Variants in FMO1 observed in about 807,000 individuals in gnomAD.
FMO1 encodes flavin-containing monooxygenase 1.
A neutral mutation model predicts 45.4 loss-of-function variants in FMO1; 36 were observed. The ratio of observed to expected loss-of-function variants is 0.79; its 90% CI spans 0.61 to 1.05. The LOEUF is 1.05. Among genes scored for constraint, FMO1 ranks in the 50% least tolerant of loss-of-function variants. The probability of loss-of-function intolerance (pLI) is 0.00; values close to 1 mark genes in which losing one functional copy is unlikely to be tolerated. For missense variants in FMO1, 615 were observed against 640.3 expected, an observed-to-expected ratio of 0.96 and a Z score of 0.43; for synonymous variants, 228 against 227.2, an observed-to-expected ratio of 1.00 and a Z score of -0.03.
intron 1 of FMO1, among the ~76,000 whole-genome samples, chr1:171,250,769 C>T (rs1659849760): frequency 1.3e-5 from 2 of 151,892 alleles, no homozygotes; most frequent in Non-Finnish European, 2.9e-5. Context: ...TAATTTAGTC[C>T]TATTTTCTTA....
In FMO1 at chr1:171,285,454, T is replaced by G. The variant is rs766120703; in HGVS notation, c.1509T>G (p.Val503=). Residue 503 remains valine (V), a synonymous_variant, in exon 9 of 9, where the codon GTT becomes GTG. Coordinates refer to ENST00000617670, the MANE Select transcript of FMO1 (RefSeq NM_001282693.2). The part of the protein sequence containing the change: ...DRTFKVIKAR[V]VQESPSPFES... The stretch of plus-strand genomic sequence containing the variant: ...CATTCAAGGTCATCAAAGCTCGAGT[T>G]GTACAAGAGTCTCCATCTCCCTTTG... 1.1e-5 allele frequency: 18 copies of G among 1,574,354 alleles called. No individual in the cohort carries two copies. The highest frequency in any genetic ancestry group is 1.5e-5 in the Non-Finnish European group (17 of 1,161,276).
At chr1:171,276,551 CT>C (rs1419270627) in intron 4 of FMO1, among the ~76,000 whole-genome samples, 1 of 152,166 alleles carries the variant, frequency 6.6e-6, no homozygotes, top group Non-Finnish European at 1.5e-5. Flanking sequence ...AAAGGAGTAC[CT>C]AGTCACTGCA....
chr1:171,275,549 G>A (rs956380160), intron 4 of FMO1, 41 bp downstream of exon 4: 1 of 1,455,056 alleles, frequency 6.9e-7, no homozygotes, highest in South Asian at 1.2e-5. Context: ...TTTCTCGTGG[G>A]AGCCATTCTG....
Position 171,280,922 on chromosome 1 carries a change from T to A in FMO1, c.764T>A (p.Leu255Ter). 6.2e-7 allele frequency: 1 copy of A among 1,613,944 alleles called. No individual in the cohort carries two copies. The highest frequency in any genetic ancestry group is 8.5e-7 in the Non-Finnish European group (1 of 1,179,868). The change falls in exon 6 of 9, where the codon TTG becomes TAG. Residue 255 changes from leucine (L) to a stop codon, truncating the protein, a stop_gained. Coordinates refer to ENST00000617670, the MANE Select transcript of FMO1 (RefSeq NM_001282693.2). LOFTEE classifies it high-confidence loss of function. ...CTCCCAACCCCAATTGTGACTTGGTTGATGGAGCGAAAGATAAACAACTGG... is the reference window on the plus strand; with the variant it reads ...CTCCCAACCCCAATTGTGACTTGGTAGATGGAGCGAAAGATAAACAACTGG... ...NSLPTPIVTW[L>*]MERKINNWLN...
chr1:171,250,794 T>G (rs559599209), intron 1 of FMO1, among the ~76,000 whole-genome samples: 162 of 152,316 alleles, frequency 1.1e-3, no homozygotes, highest in Non-Finnish European at 1.7e-3. Context: ...TATCTCTTAT[T>G]TATTTTATAT....
At chr1:171,249,012 C>T (rs1053346314) in intron 1 of FMO1, among the ~76,000 whole-genome samples, 3 of 151,128 alleles carry the variant, frequency 2.0e-5, no homozygotes, top group Admixed American at 2.0e-4. Flanking sequence ...CTAACATTGT[C>T]TGAGATCATA....
chr1:171,263,239 G>A (rs1336692762), intron 2 of FMO1, among the ~76,000 whole-genome samples: 1 of 152,136 alleles, frequency 6.6e-6, no homozygotes, highest in Non-Finnish European at 1.5e-5. Context: ...AGCATGATAC[G>A]ATTGCTTCAT....
At position 171,282,025 on chromosome 1, in the gene FMO1, T is replaced by A; in HGVS notation, c.875T>A (p.Ile292Asn). The A allele has an allele frequency of 6.2e-7, 1 of 1,613,316 alleles. No homozygotes were observed. The highest frequency in any genetic ancestry group is 8.5e-7 in the Non-Finnish European group (1 of 1,179,796). ...CTAAATGATGAGCTCCCAGGACGCA[T>A]CATCACTGGGAAAGTGTTCATCAGG... ...FVLNDELPGR[I>N]ITGKVFIRPS... The change falls in exon 7 of 9, where the codon ATC (isoleucine) becomes AAC (asparagine). Residue 292 changes from isoleucine to asparagine, a missense_variant. Ile to Asn is a moderately radical substitution (Grantham distance 149, BLOSUM62 -3). Transcript: ENST00000617670.
At chr1:171,269,897 A>G (rs145775430) in intron 3 of FMO1, among the ~76,000 whole-genome samples, 2,902 of 152,300 alleles carry the variant, frequency 0.019, 99 homozygotes, top group African/African-American at 0.066. Context: ...CAATTAATTA[A>G]AAATACTTTT....
chr1:171,275,772 A>G (rs16864302), intron 4 of FMO1, among the ~76,000 whole-genome samples: 23,916 of 152,090 alleles, frequency 0.16, 2,187 homozygotes, highest in African/African-American at 0.24. Context: ...CCAAGATTCA[A>G]TGTCCCTCAA....
intron 3 of FMO1, among the ~76,000 whole-genome samples, chr1:171,273,979 C>A (rs1362450865): frequency 6.6e-6 from 1 of 152,054 alleles, no homozygotes; most frequent in Non-Finnish European, 1.5e-5. Flanking sequence ...GAAACCCCAT[C>A]TCTACTAAAA....
chr1:171,280,062 G>A (rs959374226), intron 5 of FMO1, among the ~76,000 whole-genome samples: 1 of 151,998 alleles, frequency 6.6e-6, no homozygotes, highest in South Asian at 2.1e-4. Flanking sequence ...TCTTAATATT[G>A]CAAATTACCT....
intron 2 of FMO1, among the ~76,000 whole-genome samples, chr1:171,266,355 A>G (rs1334365147): frequency 1.3e-5 from 2 of 152,238 alleles, no homozygotes; most frequent in African/African-American, 2.4e-5. Context: ...CAAACCATTC[A>G]TATCAGTATT....
intron 3 of FMO1, chr1:171,271,498 G>A: frequency 4.3e-6 from 4 of 925,012 alleles, no homozygotes; most frequent in Non-Finnish European, 7.2e-6. Flanking sequence ...GCATCTGGGT[G>A]CTGCTTCTTA....
At chr1:171,252,259 C>A (rs1231823838) in intron 1 of FMO1, among the ~76,000 whole-genome samples, 2 of 152,112 alleles carry the variant, frequency 1.3e-5, no homozygotes, top group African/African-American at 4.8e-5. Flanking sequence ...CCCCTGCCCT[C>A]CCATGAATGG....
intron 1 of FMO1, 189 bp from the exon 2 acceptor site, chr1:171,257,893 T>C: frequency 1.7e-6 from 1 of 601,378 alleles, no homozygotes; most frequent in Non-Finnish European, 2.9e-6. Context: ...GGCGGGAACA[T>C]ACCAAGCACA....
intron 1 of FMO1, among the ~76,000 whole-genome samples, chr1:171,249,641 G>C (rs867502478): frequency 6.6e-6 from 1 of 152,078 alleles, no homozygotes; most frequent in African/African-American, 2.4e-5. Flanking sequence ...TGTGCAGTCT[G>C]TGCCAACCAG....
intron 5 of FMO1, among the ~76,000 whole-genome samples, chr1:171,279,077 G>C (rs1227876844): frequency 2.0e-5 from 3 of 149,082 alleles, no homozygotes; most frequent in Non-Finnish European, 4.4e-5. Context: ...CAACTTCTCT[G>C]ACTTCTTTTT....
chr1:171,272,566 G>A (rs2101825817), intron 3 of FMO1, among the ~76,000 whole-genome samples: 1 of 152,344 alleles, frequency 6.6e-6, no homozygotes, highest in South Asian at 2.1e-4. Context: ...CAAAGCCACA[G>A]GAGCAGAGCT....
Sources: gnomAD v4.1 joint callset for allele counts (sites outside exome capture counted in the v4.1 genomes callset) on GRCh38, gnomAD v4.1.1 for gene constraint, MANE v1.5 for transcripts, NCBI Gene and HGNC (gene_info 2026-07-23, HGNC 2026-07-21) for gene names.